The following TAFA2 variants were observed in gnomAD, a reference collection of about 807,000 sequenced individuals.
TAFA2 encodes the protein chemokine-like protein TAFA-2.
In TAFA2, 7 loss-of-function variants were observed where a neutral mutation model predicts 18.8. That is an observed-to-expected ratio of 0.37 (90% CI 0.21 to 0.70). The LOEUF (loss-of-function observed/expected upper bound fraction) is 0.70. Ranked by LOEUF, TAFA2 falls within the 30% of genes least tolerant of loss-of-function variation. The pLI, the probability that TAFA2 is intolerant of heterozygous loss-of-function variation, is 0.53. For synonymous variants in TAFA2, 60 were observed against 54.2 expected (o/e 1.11, Z -0.47); for missense variants, 122 against 158.1 (o/e 0.77, Z 1.23).
intron 2 of TAFA2, among the ~76,000 whole-genome samples, chr12:61,854,646 T>A (rs539214617): frequency 6.6e-6 from 1 of 152,206 alleles, no homozygotes; most frequent in South Asian, 2.1e-4. Flanking sequence ...CTTAGACTTT[T>A]ATAGCAGCAA....
chr12:62,212,706 C>T (rs543807869), intron 1 of TAFA2, among the ~76,000 whole-genome samples: 3 of 152,198 alleles, frequency 2.0e-5, no homozygotes, highest in South Asian at 2.1e-4. Flanking sequence ...CTAATAAAAG[C>T]GAAACATTTG....
intron 1 of TAFA2, among the ~76,000 whole-genome samples, chr12:62,112,157 T>C (rs902984996): frequency 3.9e-5 from 6 of 152,222 alleles, no homozygotes; most frequent in Non-Finnish European, 8.8e-5. Flanking sequence ...AGTGCTTCCT[T>C]CAGGAGCTCT....
intron 2 of TAFA2, among the ~76,000 whole-genome samples, chr12:61,853,386 A>T (rs1873756982): frequency 6.6e-6 from 1 of 152,172 alleles, no homozygotes; most frequent in Non-Finnish European, 1.5e-5. Flanking sequence ...GAGTGACAAG[A>T]TGAGGAAGAG....
At chr12:62,021,847 T>G in intron 1 of TAFA2, 1 of 794,692 alleles carries the variant, frequency 1.3e-6, no homozygotes, top group Non-Finnish European at 2.3e-6. Context: ...TCCACAAAAC[T>G]TCATGGATTT....
chr12:62,052,564 G>C (rs1482324452), intron 1 of TAFA2, among the ~76,000 whole-genome samples: 1 of 151,994 alleles, frequency 6.6e-6, no homozygotes, highest in East Asian at 1.9e-4. Flanking sequence ...ATTTTATTTT[G>C]AAACAATCCT....
chr12:62,237,232 G>A (rs61919223), intron 1 of TAFA2, among the ~76,000 whole-genome samples: 2,620 of 152,296 alleles, frequency 0.017, 27 homozygotes, highest in Middle Eastern at 0.034. Context: ...TGTTCGCCGG[G>A]CGCGGTGGCT....
At chr12:61,809,753 T>C (rs151180809) in intron 2 of TAFA2, among the ~76,000 whole-genome samples, 1 of 151,526 alleles carries the variant, frequency 6.6e-6, no homozygotes, top group East Asian at 1.9e-4. Context: ...GAAAAGCTTA[T>C]TCTAAAGTTT....
intron 2 of TAFA2, among the ~76,000 whole-genome samples, chr12:61,859,762 T>G (rs1016166942): frequency 6.6e-6 from 1 of 152,106 alleles, no homozygotes; most frequent in African/African-American, 2.4e-5. Context: ...AATACTCTAT[T>G]GTTCAAAAAT....
At chr12:62,027,058 T>A (rs2136739690) in intron 1 of TAFA2, among the ~76,000 whole-genome samples, 1 of 152,282 alleles carries the variant, frequency 6.6e-6, no homozygotes, top group African/African-American at 2.4e-5. Flanking sequence ...GCACTATTTC[T>A]ACAATAATTA....
chr12:62,020,523 T>A (rs1318555247), intron 1 of TAFA2, among the ~76,000 whole-genome samples: 2 of 152,152 alleles, frequency 1.3e-5, no homozygotes, highest in Non-Finnish European at 2.9e-5. Flanking sequence ...AGAATGTCAA[T>A]TAGTTGTGTC....
intron 1 of TAFA2, among the ~76,000 whole-genome samples, chr12:62,223,003 A>C (rs1338250183): frequency 1.3e-5 from 2 of 152,186 alleles, no homozygotes; most frequent in African/African-American, 2.4e-5. Context: ...AAATGATATT[A>C]AAGGACAAAA....
upstream of TAFA2, among the ~76,000 whole-genome samples, chr12:62,259,282 C>G (rs2062968728): frequency 6.6e-6 from 1 of 152,180 alleles, no homozygotes; most frequent in Admixed American, 6.5e-5. Context: ...AATTCATTTA[C>G]TAAACAAATA....
chr12:61,723,229 ATCTGT>A (rs1565750338), intron 4 of TAFA2, among the ~76,000 whole-genome samples: 1 of 152,138 alleles, frequency 6.6e-6, no homozygotes, highest in East Asian at 1.9e-4. Context: ...ATGATTATTA[ATCTGT>A]TTCTCTCACT....
At chr12:61,741,698 CT>C (rs1868459005) in intron 4 of TAFA2, among the ~76,000 whole-genome samples, 1 of 152,104 alleles carries the variant, frequency 6.6e-6, no homozygotes, top group Admixed American at 6.6e-5. Context: ...GATTTACTGA[CT>C]TTCTATCCAA....
chr12:61,714,431 A>T (rs910608360), intron 4 of TAFA2, among the ~76,000 whole-genome samples: 1 of 152,198 alleles, frequency 6.6e-6, no homozygotes, highest in Admixed American at 6.5e-5. Context: ...ATCAACCAGG[A>T]TGAAGATGCT....
intron 1 of TAFA2, among the ~76,000 whole-genome samples, chr12:62,090,996 T>C (rs1868688190): frequency 2.0e-5 from 3 of 152,044 alleles, no homozygotes; most frequent in Admixed American, 6.6e-5. Flanking sequence ...TTCAGAGAAT[T>C]TGAACAAAAG....
intron 1 of TAFA2, among the ~76,000 whole-genome samples, chr12:62,232,759 G>T (rs1332758786): frequency 2.0e-5 from 3 of 151,958 alleles, no homozygotes; most frequent in Admixed American, 6.6e-5. Flanking sequence ...TGATCCACCC[G>T]CCTCAGCCTC....
chr12:62,038,121 A>G (rs1881658417), intron 1 of TAFA2, among the ~76,000 whole-genome samples: 1 of 152,184 alleles, frequency 6.6e-6, no homozygotes, highest in Admixed American at 6.6e-5. Flanking sequence ...GGGGAGATGT[A>G]GGTCAAAACA....
intron 4 of TAFA2, among the ~76,000 whole-genome samples, chr12:61,740,167 G>A (rs1316015222): frequency 6.6e-6 from 1 of 152,006 alleles, no homozygotes; most frequent in African/African-American, 2.4e-5. Flanking sequence ...ACCAAGAAGA[G>A]AACAGAAAAT....
Sources: allele counts gnomAD v4.1 joint callset (sites outside exome capture counted in the v4.1 genomes callset), GRCh38; gene constraint gnomAD v4.1.1; transcripts MANE v1.5; gene names NCBI Gene and HGNC (gene_info 2026-07-23, HGNC 2026-07-21).